The following RAPGEF4 variants were observed in gnomAD, a reference collection of about 807,000 sequenced individuals.
The protein encoded by RAPGEF4 is Rap guanine nucleotide exchange factor 4, also known as RAP guanine-nucleotide-exchange factor (GEF) 4.
Under a neutral mutation model 147.9 loss-of-function variants are expected in RAPGEF4, and 66 were observed. The observed-to-expected ratio is 0.45, with a 90% CI of 0.37 to 0.55. The LOEUF (loss-of-function observed/expected upper bound fraction) is 0.55. Ranked by LOEUF, RAPGEF4 falls within the 20% of genes least tolerant of loss-of-function variation. RAPGEF4 has a pLI of 0.00. For missense variants in RAPGEF4, 1,071 were observed against 1,257.3 expected (o/e 0.85, Z 2.24); for synonymous variants, 419 against 442.7 (o/e 0.95, Z 0.67).
intron 17 of RAPGEF4, among the ~76,000 whole-genome samples, chr2:173,011,170 G>GCGCGCGCGCGCA (rs564434178): frequency 8.2e-5 from 11 of 133,568 alleles, no homozygotes; most frequent in South Asian, 5.2e-4. Context: ...GCGCGCGCGC[G>GCGCGCGCGCGCA]CACACACACA....
In RAPGEF4 at chr2:172,988,277, A is replaced by G. The variant is rs1441360312; in HGVS notation, c.1227+5A>G. The stretch of plus-strand genomic sequence containing the variant: ...AATGTAGTCATTTACGGCAAGGTAT[A>G]TATATCTTTTTCTTTTTGAAACTTT... On this transcript the variant is annotated splice_donor_5th_base_variant and intron_variant, in intron 13 of 30. Coordinates refer to ENST00000397081, the MANE Select transcript of RAPGEF4 (RefSeq NM_007023.4). The G allele has an allele frequency of 6.2e-7, 1 of 1,605,574 alleles. No homozygotes were observed. Among genetic ancestry groups the G allele is most frequent in the Non-Finnish European group, 8.5e-7 (1 of 1,178,168 alleles).
At chr2:173,024,180 T>C (rs73017592) in intron 23 of RAPGEF4, among the ~76,000 whole-genome samples, 38 of 152,288 alleles carry the variant, frequency 2.5e-4, no homozygotes, top group African/African-American at 8.2e-4. Flanking sequence ...CACACTTTTC[T>C]GTGTATTTGC....
In RAPGEF4 at chr2:172,967,386, A is replaced by G. The variant is rs753286387; in HGVS notation, c.946A>G (p.Met316Val). ...KECDEELQDT[M>V]LLLSQMGPDA... ...GTGTGATGAGGAGCTCCAGGACACC[A>G]TGCTGCTGCTGTCACAGATGGGCCC... Residue 316 changes from methionine to valine, a missense_variant, in exon 10 of 31, where the codon ATG (methionine) becomes GTG (valine). Met to Val is a conservative substitution (Grantham distance 21). Coordinates refer to ENST00000397081, the MANE Select transcript of RAPGEF4 (RefSeq NM_007023.4). 3.1e-5 allele frequency: 50 copies of G among 1,612,048 alleles called. No homozygotes were observed. In the East Asian group the frequency reaches 8.2e-4, roughly 27 times the overall value.
chr2:172,852,729 A>C (rs1028867209), intron 4 of RAPGEF4, among the ~76,000 whole-genome samples: 1 of 152,128 alleles, frequency 6.6e-6, no homozygotes, highest in Non-Finnish European at 1.5e-5. Flanking sequence ...TTAGGGGAAA[A>C]TCATTCAATA....
intron 16 of RAPGEF4, among the ~76,000 whole-genome samples, chr2:172,998,748 A>G (rs1196024206): frequency 6.6e-5 from 10 of 152,208 alleles, no homozygotes; most frequent in Non-Finnish European, 7.4e-5. Flanking sequence ...TTCCAGGACC[A>G]TGGGTCAGGA....
At chr2:173,003,135 T>TC (rs1694103508) in intron 17 of RAPGEF4, among the ~76,000 whole-genome samples, 1 of 152,060 alleles carries the variant, frequency 6.6e-6, no homozygotes, top group African/African-American at 2.4e-5. Flanking sequence ...CGCTTGTCTT[T>TC]TTTTTTTTCA....
At chr2:173,036,063 A>G (rs1683963855) in intron 27 of RAPGEF4, 62 bp from the exon 28 acceptor site, 2 of 1,206,190 alleles carry the variant, frequency 1.7e-6, no homozygotes. Flanking sequence ...GTGTATTAGG[A>G]GGTAACAAAG....
chr2:172,965,953 G>GT (rs1409775693), intron 9 of RAPGEF4, among the ~76,000 whole-genome samples: 2 of 152,200 alleles, frequency 1.3e-5, no homozygotes, highest in Non-Finnish European at 2.9e-5. Flanking sequence ...ATGTTTATTA[G>GT]TTTGCATTCA....
intron 18 of RAPGEF4, 151 bp downstream of exon 18, chr2:173,014,765 G>C: frequency 1.3e-6 from 1 of 789,112 alleles, no homozygotes; most frequent in Non-Finnish European, 1.9e-6. Flanking sequence ...TACAGAAAAA[G>C]TAAGGAAAAA....
At chr2:172,918,635 G>C (rs1037179022) in intron 5 of RAPGEF4, among the ~76,000 whole-genome samples, 3 of 152,116 alleles carry the variant, frequency 2.0e-5, no homozygotes, top group East Asian at 3.9e-4. Context: ...AAAGAAACCC[G>C]TATGTCCCCT....
Position 172,983,588 on chromosome 2 carries a change from G to A in RAPGEF4, c.1089+8G>A. The A allele has an allele frequency of 6.2e-7, 1 of 1,612,306 alleles. No homozygotes were observed. The highest frequency in any genetic ancestry group is 8.5e-7 in the Non-Finnish European group (1 of 1,179,564). On this transcript the variant is annotated splice_region_variant and intron_variant, in intron 11 of 30. Coordinates refer to ENST00000397081, the MANE Select transcript of RAPGEF4 (RefSeq NM_007023.4). ...TCCCATCTTTCTACCACAGTAAGTT[G>A]TCTCTTAGTTTAGCATGGTTGGAGC...
At chr2:173,005,146 A>G (rs899991028) in intron 17 of RAPGEF4, among the ~76,000 whole-genome samples, 3 of 151,960 alleles carry the variant, frequency 2.0e-5, no homozygotes, top group African/African-American at 4.8e-5. Flanking sequence ...AACAAACACA[A>G]TGGAGTGAAT....
intron 6 of RAPGEF4, among the ~76,000 whole-genome samples, chr2:172,928,612 A>G (rs1161617510): frequency 6.6e-6 from 1 of 152,108 alleles, no homozygotes; most frequent in Admixed American, 6.6e-5. Context: ...GATTGTTTTA[A>G]TATTCTATGT....
At chr2:172,858,930 A>G (rs1259330261) in intron 4 of RAPGEF4, among the ~76,000 whole-genome samples, 1 of 152,120 alleles carries the variant, frequency 6.6e-6, no homozygotes, top group Non-Finnish European at 1.5e-5. Context: ...CTGAAATGTG[A>G]GTATTTAGCA....
chr2:173,005,205 A>G (rs1316195657), intron 17 of RAPGEF4, among the ~76,000 whole-genome samples: 1 of 152,090 alleles, frequency 6.6e-6, no homozygotes, highest in Non-Finnish European at 1.5e-5. Context: ...AAATGTACAC[A>G]CTTTAAATTC....
intron 1 of RAPGEF4, among the ~76,000 whole-genome samples, chr2:172,745,193 A>G (rs758245431): frequency 1.4e-4 from 21 of 152,092 alleles, no homozygotes; most frequent in Non-Finnish European, 2.8e-4. Flanking sequence ...TATTTTACAA[A>G]TGTCTTATAG....
At chr2:172,996,614 C>T in intron 16 of RAPGEF4, 60 bp downstream of exon 16, 1 of 1,173,094 alleles carries the variant, frequency 8.5e-7, no homozygotes, top group Non-Finnish European at 1.2e-6. Flanking sequence ...GTTTAAAAGT[C>T]CTGAATTCAT....
At chr2:172,970,063 A>G (rs1011706848) in intron 10 of RAPGEF4, among the ~76,000 whole-genome samples, 1 of 151,990 alleles carries the variant, frequency 6.6e-6, no homozygotes, top group Non-Finnish European at 1.5e-5. Flanking sequence ...CACTTCTGGA[A>G]CTCTTCAGTT....
At chr2:172,801,901 C>A (rs1687022318) in intron 3 of RAPGEF4, among the ~76,000 whole-genome samples, 1 of 152,206 alleles carries the variant, frequency 6.6e-6, no homozygotes, top group South Asian at 2.1e-4. Flanking sequence ...TGCCCAGGTG[C>A]TGTTGGAGGC....
Sources: allele counts gnomAD v4.1 joint callset (sites outside exome capture counted in the v4.1 genomes callset), GRCh38; gene constraint gnomAD v4.1.1; transcripts MANE v1.5; gene names NCBI Gene and HGNC (gene_info 2026-07-23, HGNC 2026-07-21).